The following BSN variants were observed in gnomAD, a reference collection of about 807,000 sequenced individuals.
BSN encodes protein bassoon.
BSN carries 57 observed loss-of-function variants against 264.8 expected under a neutral mutation model. The ratio of observed to expected loss-of-function variants is 0.22; its 90% CI spans 0.17 to 0.27. BSN has a LOEUF of 0.27. Ranked by LOEUF, BSN falls within the 10% of genes least tolerant of loss-of-function variation. BSN has a pLI of 1.00. For missense variants in BSN, 4,615 were observed against 5,232.5 expected (o/e 0.88, Z 3.64); for synonymous variants, 2,059 against 2,137.3 (o/e 0.96, Z 1.01).
At position 49,605,262 on chromosome 3, in the gene BSN, A is replaced by T. The variant is rs562173717; in HGVS notation, c.225-19713A>T. 1.2e-3 allele frequency among the ~76,000 whole-genome samples: 142 copies of T among 116,134 alleles called. 1 individual carries two copies. The highest frequency in any genetic ancestry group is 1.8e-3 in the Non-Finnish European group (107 of 59,940). The allele number at this position is 116,134 out of a possible 152,430, so 76.2% of individuals were successfully genotyped here. A position where few individuals can be genotyped will look rare whatever the true frequency, so the allele number is the denominator to read the frequency against. On this transcript the variant is annotated intron_variant, in intron 1 of 11. Transcript: ENST00000296452. ...CAAGAGCGAAACTCTGTCTCAAAAA[A>T]ATATATATATACATATATATACATA... is the stretch of plus-strand genomic sequence containing the variant.
At chr3:49,626,654 C>T (rs2108059266) in intron 2 of BSN, among the ~76,000 whole-genome samples, 1 of 152,314 alleles carries the variant, frequency 6.6e-6, no homozygotes, top group South Asian at 2.1e-4. Context: ...GGGAAGCTCA[C>T]CTGTGTGTTT....
intron 2 of BSN, among the ~76,000 whole-genome samples, chr3:49,634,299 A>T (rs1331290791): frequency 6.6e-6 from 1 of 152,196 alleles, no homozygotes; most frequent in Non-Finnish European, 1.5e-5. Flanking sequence ...TACGAAGATG[A>T]ATGGTGGTGA....
chr3:49,609,089 CTTTTTTTTTTTTT>C, intron 1 of BSN, among the ~76,000 whole-genome samples: 1 of 89,024 alleles, frequency 1.1e-5, no homozygotes, highest in South Asian at 4.4e-4. Context: ...GTTAAATTGA[CTTTTTTTTTTTTT>C]TTTTTTTTTT....
rs556245204 is a variant in BSN at position 49,638,189 on chromosome 3, C to G, written c.634-4079C>G. ...GGGCCTAGGAGCCACAGGGAGCCTT[C>G]TGGGTTCAACCTCTTGATGAGGAGG... On this transcript the variant is annotated intron_variant, in intron 2 of 11. Transcript: ENST00000296452. This position sits in a 1 kb window ranked among gnomAD's most constrained non-coding sequence, Gnocchi z 4.3. Among the ~76,000 whole-genome samples the G allele has an allele frequency of 1.2e-3, 182 of 152,280 alleles. No individual in the cohort carries two copies. The highest frequency in any genetic ancestry group is 3.7e-3 in the Admixed American group (56 of 15,300).
In BSN at chr3:49,556,415, C is replaced by T. The variant is rs146771777; in HGVS notation, c.224+1589C>T. 1.6e-3 allele frequency among the ~76,000 whole-genome samples: 246 copies of T among 152,288 alleles called. 1 individual carries two copies. The highest frequency in any genetic ancestry group is 2.3e-3 in the Non-Finnish European group (156 of 68,022). ...CCTTTTTAGTGTTTCATTTGTACTTCATCTGTACATTCTGCTGCAGGCAGA... is the reference window on the plus strand; with the variant it reads ...CCTTTTTAGTGTTTCATTTGTACTTTATCTGTACATTCTGCTGCAGGCAGA... On this transcript the variant is annotated intron_variant, in intron 1 of 11. Transcript: ENST00000296452.
intron 3 of BSN, among the ~76,000 whole-genome samples, chr3:49,650,086 C>A (rs557093455): frequency 2.0e-5 from 3 of 152,204 alleles, no homozygotes; most frequent in African/African-American, 7.2e-5. Context: ...GAGTCTGCAC[C>A]CTATCTAGCA....
In BSN at chr3:49,658,041, A is replaced by C. The variant is rs1195758662; in HGVS notation, c.8485A>C (p.Thr2829Pro). ...TCACGTGAGTCCCCAGAAGCACTTC[A>C]CGGCTGACAGCGCTCTCCGCCAGCA... ...KAHVSPQKHF[T>P]ADSALRQQTL... The change falls in exon 5 of 12, where the codon ACG becomes CCG. Residue 2829 changes from threonine (T) to proline (P), a missense_variant. Transcript: ENST00000296452. 3.7e-6 allele frequency: 6 copies of C among 1,613,366 alleles called. No homozygotes were observed. The African/African-American group carries it at 5.3e-5, about 14-fold the overall frequency.
Position 49,638,201 on chromosome 3 carries a change from T to G in BSN, c.634-4067T>G, listed in dbSNP as rs2052434095. Among the ~76,000 whole-genome samples the G allele has an allele frequency of 6.6e-6, 1 of 152,018 alleles. No homozygotes were observed. The highest frequency in any genetic ancestry group is 2.4e-5 in the African/African-American group (1 of 41,392). On this transcript the variant is annotated intron_variant, in intron 2 of 11. Transcript: ENST00000296452. This position sits in a 1 kb window ranked among gnomAD's most constrained non-coding sequence, Gnocchi z 4.3. ...CACAGGGAGCCTTCTGGGTTCAACC[T>G]CTTGATGAGGAGGCATCACTGTGTG... is the stretch of plus-strand genomic sequence containing the variant.
chr3:49,668,066 C>T lies in BSN; in HGVS notation c.*581C>T, dbSNP rs971726644. On this transcript the variant is annotated 3_prime_UTR_variant, in exon 12 of 12. Coordinates refer to ENST00000296452, the MANE Select transcript of BSN (RefSeq NM_003458.4). ...GCACAGGGCCCTGCCCGTCACATGC[C>T]CTCTGGGTGACATCGGAGCAGACCT... 3.3e-5 allele frequency: 5 copies of T among 152,642 alleles called. No individual in the cohort carries two copies. Among genetic ancestry groups the T allele is most frequent in the Non-Finnish European group, 7.3e-5 (5 of 68,048 alleles). 9.5% of individuals were successfully genotyped at this position (152,642 alleles called of 1,614,324 possible).
chr3:49,599,267 G>A (rs923911575), intron 1 of BSN, among the ~76,000 whole-genome samples: 2 of 152,190 alleles, frequency 1.3e-5, no homozygotes, highest in African/African-American at 4.8e-5. Context: ...GCTCATGAGT[G>A]AATGTGGCCT....
At position 49,656,558 on chromosome 3, in the gene BSN, G is replaced by A; in HGVS notation, c.7002G>A (p.Gln2334=). ...CAGCTCCTGCCCCACTAGCTGGCCA[G>A]AAGCCACCAGCAGATGCTGCTCCTG... The part of the protein sequence containing the change: ...GAPAPAPLAG[Q]KPPADAAPGG... Residue 2334 remains glutamine (Q), a synonymous_variant, in exon 5 of 12, where the codon CAG becomes CAA. Coordinates refer to ENST00000296452, the MANE Select transcript of BSN (RefSeq NM_003458.4). 6.4e-7 allele frequency: 1 copy of A among 1,572,408 alleles called. No homozygotes were observed. The highest frequency in any genetic ancestry group is 8.6e-7 in the Non-Finnish European group (1 of 1,159,570).
rs767324479 is a variant in BSN, at chr3:49,663,073, C to G, written c.10915C>G (p.His3639Asp). The G allele has an allele frequency of 6.2e-7, 1 of 1,612,840 alleles. No individual in the cohort carries two copies. Residue 3639 changes from histidine (H) to aspartate (D), a missense_variant, in exon 7 of 12, where the codon CAT becomes GAT. By Grantham distance (81) the His-to-Asp change is moderately conservative. Transcript: ENST00000296452. ...WPHDEGGPGR[H>D]ASAKEHRHGD... ...TCATGATGAGGGTGGCCCAGGCCGC[C>G]ATGCCTCAGCCAAGGAACACCGGCA...
At chr3:49,569,597 T>C (rs1051726585) in intron 1 of BSN, among the ~76,000 whole-genome samples, 1 of 152,174 alleles carries the variant, frequency 6.6e-6, no homozygotes, top group African/African-American at 2.4e-5. Flanking sequence ...TGGGGGACGC[T>C]TGGAGGGCTC....
In BSN at chr3:49,657,896, A is replaced by T. The variant is rs1229219402; in HGVS notation, c.8340A>T (p.Ser2780=). 1 of 1,613,714 alleles carries T rather than the reference A, an allele frequency of 6.2e-7. No individual in the cohort carries two copies. Among genetic ancestry groups the T allele is most frequent in the Non-Finnish European group, 8.5e-7 (1 of 1,179,918 alleles). ...CCCACCTGCCTCCGGAGTCTCTCTCACAGCTTGTGAGCCGCCAGCCTCCCA... is the reference window on the plus strand; with the variant it reads ...CCCACCTGCCTCCGGAGTCTCTCTCTCAGCTTGTGAGCCGCCAGCCTCCCA... ...YQAHLPPESL[S]QLVSRQPPKS... The change falls in exon 5 of 12, where the codon TCA becomes TCT. Residue 2780 remains serine (S), a synonymous_variant. Coordinates refer to ENST00000296452, the MANE Select transcript of BSN (RefSeq NM_003458.4).
In BSN at chr3:49,661,488, C is replaced by T. The variant is rs2052654355; in HGVS notation, c.9643C>T (p.Pro3215Ser). The change falls in exon 6 of 12, where the codon CCC (proline) becomes TCC (serine). Residue 3215 changes from proline (P) to serine (S), a missense_variant. By Grantham distance (74) the Pro-to-Ser change is moderately conservative. Coordinates refer to ENST00000296452, the MANE Select transcript of BSN (RefSeq NM_003458.4). ...GAGCCAGAGCCCAGCCCCCACCTAC[C>T]CCTCTGACTCACACTATACCAGTCT... ...SVSQSPAPTY[P>S]SDSHYTSLEQ... 1 of 1,614,094 alleles carries T rather than the reference C, an allele frequency of 6.2e-7. No individual in the cohort carries two copies. The highest frequency in any genetic ancestry group is 8.5e-7 in the Non-Finnish European group (1 of 1,180,038).
intron 5 of BSN, among the ~76,000 whole-genome samples, chr3:49,659,592 G>T (rs1046280398): frequency 6.6e-6 from 1 of 152,146 alleles, no homozygotes; most frequent in African/African-American, 2.4e-5. Context: ...AGGGCATGGG[G>T]CATTCTGGGA....
chr3:49,593,571 C>A (rs1159033873), intron 1 of BSN, among the ~76,000 whole-genome samples: 1 of 152,052 alleles, frequency 6.6e-6, no homozygotes, highest in East Asian at 1.9e-4. Context: ...GTTGTTTTTT[C>A]ATTTTAGTTA....
chr3:49,665,123 A>C, intron 10 of BSN, 106 bp from the exon 11 acceptor site: 15 of 369,648 alleles, frequency 4.1e-5, no homozygotes, highest in Non-Finnish European at 5.4e-5. Flanking sequence ...CTTTCAAACC[A>C]TCTGCCATCC....
chr3:49,613,248 G>T (rs1002558078), intron 1 of BSN, among the ~76,000 whole-genome samples: 3 of 145,066 alleles, frequency 2.1e-5, no homozygotes, highest in Non-Finnish European at 4.5e-5. Flanking sequence ...GAAAAAAATA[G>T]CTCTATTGCA....
Sources: gnomAD v4.1 joint callset for allele counts (sites outside exome capture counted in the v4.1 genomes callset) on GRCh38, gnomAD v4.1.1 for gene constraint, Gnocchi (gnomAD v3.1) non-coding constraint, MANE v1.5 for transcripts, NCBI Gene and HGNC (gene_info 2026-07-23, HGNC 2026-07-21) for gene names.